NECAB2: variants seen among roughly 807,000 people sequenced by gnomAD.
The protein encoded by NECAB2 is N-terminal EF-hand calcium binding protein 2, also known as N-terminal EF-hand calcium-binding protein 2.
In NECAB2, 68 loss-of-function variants were observed where a neutral mutation model predicts 51.9. The ratio of observed to expected loss-of-function variants is 1.31; its 90% CI spans 1.08 to 1.60. The LOEUF (loss-of-function observed/expected upper bound fraction) is 1.60. Among genes scored for constraint, NECAB2 ranks in the 40% most tolerant of loss-of-function variants. The pLI, the probability that NECAB2 is intolerant of heterozygous loss-of-function variation, is 0.00. For missense variants in NECAB2, 854 were observed against 490.3 expected (o/e 1.74, Z -7.00); for synonymous variants, 329 against 203.5 (o/e 1.62, Z -5.25).
chr16:83,981,734 C>T (rs969705531), intron 5 of NECAB2, among the ~76,000 whole-genome samples: 1 of 152,016 alleles, frequency 6.6e-6, no homozygotes, highest in South Asian at 2.1e-4. Context: ...GCATGAGACT[C>T]CAGGCACACC....
intron 3 of NECAB2, among the ~76,000 whole-genome samples, chr16:83,980,041 T>G (rs1050950217): frequency 5.9e-5 from 9 of 152,140 alleles, no homozygotes; most frequent in African/African-American, 1.9e-4. Context: ...CGAGTGCAGA[T>G]TCACTGGGCC....
intron 5 of NECAB2, among the ~76,000 whole-genome samples, chr16:83,984,451 G>A (rs1391928559): frequency 2.0e-5 from 3 of 151,924 alleles, no homozygotes; most frequent in Non-Finnish European, 2.9e-5. Context: ...TGCCGCTCAC[G>A]GTGGCTCACG....
chr16:83,966,359 C>G (rs1011281964), upstream of NECAB2: 5 of 300,584 alleles, frequency 1.7e-5, no homozygotes, highest in Non-Finnish European at 3.1e-5. Flanking sequence ...ACTCTGTGCT[C>G]GGAGGGAGCT....
intron 5 of NECAB2, among the ~76,000 whole-genome samples, chr16:83,984,400 C>G (rs80131862): frequency 6.6e-6 from 1 of 151,940 alleles, no homozygotes; most frequent in South Asian, 2.1e-4. Context: ...GTTTGACACA[C>G]GCAGGCACTT....
At position 83,968,532 on chromosome 16, in the gene NECAB2, G is replaced by C. The variant is rs2084312998; in HGVS notation, c.-117G>C. The C allele has an allele frequency of 1.2e-6, 1 of 850,112 alleles. No individual in the cohort carries two copies. The highest frequency in any genetic ancestry group is 1.3e-4 in the East Asian group (1 of 8,000). 52.7% of individuals were successfully genotyped at this position (850,112 alleles called of 1,614,324 possible). ...TCCCCGCGGTGTCCGCGGCCGCGGGGGCAGCGGGAGAGAGGGCGGGGCGGC... is the reference window on the plus strand; with the variant it reads ...TCCCCGCGGTGTCCGCGGCCGCGGGCGCAGCGGGAGAGAGGGCGGGGCGGC... On this transcript the variant is annotated 5_prime_UTR_variant, in exon 1 of 13. Coordinates refer to ENST00000305202, the MANE Select transcript of NECAB2 (RefSeq NM_019065.3).
intron 1 of NECAB2, 119 bp from the exon 2 acceptor site, chr16:83,972,032 C>A: frequency 7.2e-7 from 1 of 1,386,184 alleles, no homozygotes; most frequent in South Asian, 1.2e-5. Flanking sequence ...GGGGGCTCAG[C>A]TTCCCAGGAC....
chr16:83,970,570 G>A (rs956964127), intron 1 of NECAB2, among the ~76,000 whole-genome samples: 1 of 152,150 alleles, frequency 6.6e-6, no homozygotes, highest in African/African-American at 2.4e-5. Context: ...GGGATGGGGG[G>A]CGAGGGCATC....
intron 1 of NECAB2, among the ~76,000 whole-genome samples, chr16:83,970,101 G>A (rs1199087066): frequency 2.6e-5 from 4 of 152,226 alleles, no homozygotes; most frequent in Non-Finnish European, 2.9e-5. Context: ...AAAGTCCTGG[G>A]CAGAGCCCTG....
At chr16:83,966,253 C>A (rs970156712), upstream of NECAB2, 6 of 536,662 alleles carry the variant, frequency 1.1e-5, no homozygotes, top group Admixed American at 1.8e-4. Flanking sequence ...GCTGGTGTGA[C>A]CAGCTGAGCA....
chr16:83,997,522 G>C (rs1321679969), intron 9 of NECAB2, among the ~76,000 whole-genome samples: 1 of 110,806 alleles, frequency 9.0e-6, no homozygotes, highest in African/African-American at 3.6e-5. Flanking sequence ...GAGTCTTGCT[G>C]TATCTCCCAG....
At chr16:83,994,240 G>A (rs558761346) in intron 6 of NECAB2, 62 bp from the exon 7 acceptor site, 2 of 1,442,538 alleles carry the variant, frequency 1.4e-6, no homozygotes, top group Non-Finnish European at 2.0e-6. Context: ...GGAAGATGCT[G>A]GAAGTGGTAA....
chr16:83,990,800 T>C (rs529433251), intron 6 of NECAB2, among the ~76,000 whole-genome samples, 170 bp downstream of exon 6: 6 of 152,198 alleles, frequency 3.9e-5, no homozygotes, highest in African/African-American at 1.4e-4. Flanking sequence ...GGCACAATTA[T>C]ATACCTAAAA....
At chr16:84,001,302 T>C (rs573561116) in intron 11 of NECAB2, among the ~76,000 whole-genome samples, 1 of 152,140 alleles carries the variant, frequency 6.6e-6, no homozygotes, top group South Asian at 2.1e-4. Context: ...AGACTATTGC[T>C]GATGCGCCAG....
At chr16:83,989,875 C>T (rs780211955) in intron 5 of NECAB2, among the ~76,000 whole-genome samples, 1 of 152,188 alleles carries the variant, frequency 6.6e-6, no homozygotes, top group Non-Finnish European at 1.5e-5. Flanking sequence ...GATTTCCCCC[C>T]AGGCTCCTCT....
chr16:84,001,969 AAGAGCCT>A, intron 12 of NECAB2, 53 bp downstream of exon 12: 1 of 1,573,612 alleles, frequency 6.4e-7, no homozygotes, highest in Admixed American at 1.8e-5. Context: ...AGAGAAGGGC[AAGAGCCT>A]AGAGGCTGCC....
chr16:83,977,942 G>C (rs979130198), intron 2 of NECAB2, among the ~76,000 whole-genome samples: 3 of 152,222 alleles, frequency 2.0e-5, no homozygotes, highest in African/African-American at 4.8e-5. Flanking sequence ...GGCTCATCCA[G>C]CTGCTGGTTT....
rs557940561 is a variant in NECAB2 at position 84,002,550 on chromosome 16, G to C, written c.*204G>C. The C allele has an allele frequency of 5.2e-4, 347 of 669,614 alleles. 1 individual carries two copies. The African/African-American group carries it at 5.5e-3, about 11-fold the overall frequency. The allele number at this position is 669,614 out of a possible 1,614,324, so 41.5% of individuals were successfully genotyped here. ...AGCAGTGTCTGTGCTGCCAGGTCCT[G>C]GTGAAGCCCAAGGTTGAAGGGGGCG... On this transcript the variant is annotated 3_prime_UTR_variant, in exon 13 of 13. Coordinates refer to ENST00000305202, the MANE Select transcript of NECAB2 (RefSeq NM_019065.3).
chr16:83,998,470 T>A (rs1003838974), intron 10 of NECAB2, among the ~76,000 whole-genome samples, 153 bp downstream of exon 10: 3 of 152,154 alleles, frequency 2.0e-5, no homozygotes, highest in African/African-American at 7.2e-5. Context: ...TTCAGGTCTC[T>A]ACTGAGGTTC....
intron 8 of NECAB2, among the ~76,000 whole-genome samples, chr16:83,996,394 A>C (rs1597223275): frequency 6.6e-6 from 1 of 152,126 alleles, no homozygotes; most frequent in Non-Finnish European, 1.5e-5. Context: ...TCCCTTGCTC[A>C]AACATTTAGA....
Sources: gnomAD v4.1 joint callset for allele counts (sites outside exome capture counted in the v4.1 genomes callset) on GRCh38, gnomAD v4.1.1 for gene constraint, MANE v1.5 for transcripts, NCBI Gene and HGNC (gene_info 2026-07-23, HGNC 2026-07-21) for gene names.